The following BRSK2 variants were observed in gnomAD, a reference collection of about 807,000 sequenced individuals.
BRSK2 encodes the protein BR serine/threonine kinase 2, also known as serine/threonine-protein kinase BRSK2.
BRSK2 carries 19 observed loss-of-function variants against 83.3 expected under a neutral mutation model. The observed-to-expected ratio is 0.23, with a 90% CI of 0.16 to 0.33. The LOEUF is 0.33. BRSK2 is among the 10% of genes least tolerant of loss of function. BRSK2 has a pLI of 1.00. For missense variants in BRSK2, 798 were observed against 1,042.3 expected, an observed-to-expected ratio of 0.77 and a Z score of 3.23; for synonymous variants, 519 against 435.4, an observed-to-expected ratio of 1.19 and a Z score of -2.39.
chr11:1,395,960 C>T (rs1219493190), intron 1 of BRSK2, among the ~76,000 whole-genome samples: 1 of 152,200 alleles, frequency 6.6e-6, no homozygotes, highest in Non-Finnish European at 1.5e-5. Flanking sequence ...GGCCTCTAGG[C>T]TTCAAGGGGA....
chr11:1,396,645 G>A (rs1224171182), intron 1 of BRSK2, among the ~76,000 whole-genome samples: 1 of 152,246 alleles, frequency 6.6e-6, no homozygotes, highest in Admixed American at 6.5e-5. Flanking sequence ...TTGCTTGAGG[G>A]CTTCTGTGCC....
intron 12 of BRSK2, among the ~76,000 whole-genome samples, chr11:1,448,486 G>GTA (rs981828000): frequency 3.4e-4 from 52 of 152,326 alleles, no homozygotes; most frequent in African/African-American, 1.3e-3. Flanking sequence ...CCCAGCAACT[G>GTA]TAGCTCAGTG....
rs368573607 is a variant in BRSK2, at chr11:1,445,279, G to T, written c.813-15G>T. ...GCCGGAGCTGATGAGCGGGTGGCCC[G>T]TCCTGTGTCCACAGAGGGGGCAAGA... On this transcript the variant is annotated splice_polypyrimidine_tract_variant and intron_variant, in intron 9 of 19. Transcript: ENST00000528841. 1 of 1,598,978 alleles carries T rather than the reference G, an allele frequency of 6.3e-7. No individual in the cohort carries two copies. Among genetic ancestry groups the T allele is most frequent in the Admixed American group, 1.7e-5 (1 of 58,536 alleles).
chr11:1,450,027 T>C (rs1305681275), intron 13 of BRSK2, among the ~76,000 whole-genome samples, 191 bp downstream of exon 13: 3 of 152,120 alleles, frequency 2.0e-5, no homozygotes, highest in African/African-American at 7.2e-5. Context: ...TCTTTTGTTT[T>C]GTTTTGTTTG....
intron 1 of BRSK2, among the ~76,000 whole-genome samples, chr11:1,433,051 CA>C (rs1849799628): frequency 7.4e-5 from 1 of 13,452 alleles, no homozygotes; most frequent in Non-Finnish European, 1.8e-4. Flanking sequence ...GCGGTCTGGT[CA>C]GGTTTTGCCA....
intron 1 of BRSK2, chr11:1,411,008 C>G (rs1847426744): frequency 1.0e-6 from 1 of 997,892 alleles, no homozygotes; most frequent in Non-Finnish European, 1.2e-6. Flanking sequence ...GCGGAGAGAA[C>G]AGCCGTGCGT....
At chr11:1,459,366 GCCCAGATGTCCCCGGC>G in intron 19 of BRSK2, 127 bp downstream of exon 19, 2 of 1,040,916 alleles carry the variant, frequency 1.9e-6, no homozygotes, top group South Asian at 2.7e-5. Context: ...GCACCCAGCA[GCCCAGATGTCCCCGGC>G]CCCATCCTCT....
intron 12 of BRSK2, 88 bp downstream of exon 12, chr11:1,445,995 G>A (rs1346066145): frequency 6.8e-7 from 1 of 1,479,452 alleles, no homozygotes; most frequent in Non-Finnish European, 9.0e-7. Context: ...CCATTGGCCT[G>A]GGGTCTCGGC....
chr11:1,449,037 C>T (rs1845474483), intron 12 of BRSK2, among the ~76,000 whole-genome samples: 1 of 152,254 alleles, frequency 6.6e-6, no homozygotes, highest in Non-Finnish European at 1.5e-5. Context: ...AGGATGGCAG[C>T]TGCCACTGTC....
In BRSK2 at chr11:1,434,386, G is replaced by A. The variant is rs530583011; in HGVS notation, c.92-1654G>A. On this transcript the variant is annotated intron_variant, in intron 1 of 19. Coordinates refer to ENST00000528841, the MANE Select transcript of BRSK2 (RefSeq NM_001256627.2). The stretch of plus-strand genomic sequence containing the variant: ...GGCACCTAGGAGTGGGGTCCCCTGT[G>A]ATAATATGGGCCGGCTCTGCGTGTC... Among the ~76,000 whole-genome samples the A allele has an allele frequency of 2.0e-5, 3 of 149,392 alleles. No homozygotes were observed. In the South Asian group the frequency reaches 6.4e-4, roughly 32 times the overall value.
intron 1 of BRSK2, among the ~76,000 whole-genome samples, chr11:1,416,579 A>G (rs1373471879): frequency 6.6e-6 from 1 of 152,120 alleles, no homozygotes; most frequent in African/African-American, 2.4e-5. Flanking sequence ...TTTGGAGGAT[A>G]CTTTTGCTGA....
At chr11:1,426,205 C>G (rs919361487) in intron 1 of BRSK2, among the ~76,000 whole-genome samples, 1 of 151,792 alleles carries the variant, frequency 6.6e-6, no homozygotes, top group Non-Finnish European at 1.5e-5. Context: ...GGGCCTGGCA[C>G]ACAGCGGGCA....
chr11:1,428,978 G>A (rs980075163), intron 1 of BRSK2, among the ~76,000 whole-genome samples: 6 of 151,226 alleles, frequency 4.0e-5, no homozygotes, highest in Admixed American at 1.3e-4. Flanking sequence ...GCGTGTGGGC[G>A]TGTGCACTGG....
At position 1,460,737 on chromosome 11, in the gene BRSK2, C is replaced by CCA. The variant is rs745462102; in HGVS notation, c.*15_*16insAC. 6 of 1,411,998 alleles carry CCA rather than the reference C, an allele frequency of 4.2e-6. No homozygotes were observed. Among genetic ancestry groups the CCA allele is most frequent in the Non-Finnish European group, 4.6e-6 (5 of 1,075,430 alleles). 87.5% of individuals were successfully genotyped at this position (1,411,998 alleles called of 1,614,324 possible). ...GAGCAGCCTTAGACACACTAGCCCC[C>CCA]CCCCCCAGCACAGCACTGACAGCGG... On this transcript the variant is annotated 3_prime_UTR_variant, in exon 20 of 20. Coordinates refer to ENST00000528841, the MANE Select transcript of BRSK2 (RefSeq NM_001256627.2).
chr11:1,434,392 A>G (rs1167096913), intron 1 of BRSK2, among the ~76,000 whole-genome samples: 1 of 93,696 alleles, frequency 1.1e-5, no homozygotes, highest in South Asian at 3.6e-4. Context: ...CTGTGATAAT[A>G]TGGGCCGGCT....
At chr11:1,415,156 G>A (rs186941956) in intron 1 of BRSK2, among the ~76,000 whole-genome samples, 5,095 of 149,456 alleles carry the variant, frequency 0.034, 114 homozygotes, top group Middle Eastern at 0.12. Context: ...GTGCAGTGGC[G>A]TGATCTCGGC....
intron 12 of BRSK2, chr11:1,447,950 G>T: frequency 7.5e-7 from 1 of 1,324,540 alleles, no homozygotes; most frequent in South Asian, 1.3e-5. Flanking sequence ...GGGCGGGTCT[G>T]GTGGCGGGCT....
At chr11:1,443,026 C>T (rs1423248246) in intron 5 of BRSK2, 80 bp from the exon 6 acceptor site, 4 of 1,458,930 alleles carry the variant, frequency 2.7e-6, no homozygotes, top group Admixed American at 2.3e-5. Context: ...TCCTTGAGGG[C>T]CCTGCGGTGC....
chr11:1,448,651 CA>C (rs1852542159), intron 12 of BRSK2, among the ~76,000 whole-genome samples: 1 of 152,204 alleles, frequency 6.6e-6, no homozygotes, highest in Non-Finnish European at 1.5e-5. Context: ...CTGCTGCCCC[CA>C]TGAGGGCTGT....
Sources: allele counts gnomAD v4.1 joint callset (sites outside exome capture counted in the v4.1 genomes callset), GRCh38; gene constraint gnomAD v4.1.1; transcripts MANE v1.5; gene names NCBI Gene and HGNC (gene_info 2026-07-23, HGNC 2026-07-21).